The following GPALPP1 variants were observed in gnomAD, a reference collection of about 807,000 sequenced individuals.
The protein encoded by GPALPP1 is GPALPP motifs-containing protein 1.
A neutral mutation model predicts 38.9 loss-of-function variants in GPALPP1; 30 were observed. The ratio of observed to expected loss-of-function variants is 0.77; its 90% CI spans 0.58 to 1.05. GPALPP1 has a LOEUF of 1.05. Ranked by LOEUF, GPALPP1 falls within the 50% of genes least tolerant of loss-of-function variation. The pLI, the probability that GPALPP1 is intolerant of heterozygous loss-of-function variation, is 0.00. For missense variants in GPALPP1, 384 were observed against 408.8 expected (o/e 0.94, Z 0.52); for synonymous variants, 120 against 139.2 (o/e 0.86, Z 0.97).
At chr13:45,016,500 T>C (rs966080740) in intron 6 of GPALPP1, among the ~76,000 whole-genome samples, 2 of 152,198 alleles carry the variant, frequency 1.3e-5, no homozygotes, top group Non-Finnish European at 2.9e-5. Flanking sequence ...AATACATTAT[T>C]TTTAATCTTC....
Position 45,028,062 on chromosome 13 carries a change from C to A in GPALPP1, c.*59C>A. The A allele has an allele frequency of 1.3e-6, 1 of 791,342 alleles. No individual in the cohort carries two copies. Among genetic ancestry groups the A allele is most frequent in the Non-Finnish European group, 2.1e-6 (1 of 475,068 alleles). 49.0% of individuals were successfully genotyped at this position (791,342 alleles called of 1,614,324 possible). On this transcript the variant is annotated 3_prime_UTR_variant, in exon 8 of 8. Coordinates refer to ENST00000379151, the MANE Select transcript of GPALPP1 (RefSeq NM_018559.5). Reference sequence around the variant, plus strand: ...TGATCAATGTGAACTTTTCTAAATACTCTATTGTCTTTAATAATTGTGCTG... The same window carrying A: ...TGATCAATGTGAACTTTTCTAAATAATCTATTGTCTTTAATAATTGTGCTG...
At chr13:44,994,088 C>T (rs1000129415) in intron 1 of GPALPP1, among the ~76,000 whole-genome samples, 1 of 151,092 alleles carries the variant, frequency 6.6e-6, no homozygotes, top group African/African-American at 2.4e-5. Context: ...ACAGGTAGTG[C>T]ATGCCTGTAG....
exon 8 of GPALPP1, chr13:45,037,301 T>C (rs888026327): frequency 6.6e-6 from 1 of 152,206 alleles, no homozygotes; most frequent in African/African-American, 2.4e-5. Context: ...TGAAGTTGCT[T>C]ATGTATATAA....
chr13:45,008,999 A>G, intron 4 of GPALPP1, 120 bp downstream of exon 4: 1 of 716,966 alleles, frequency 1.4e-6, no homozygotes, highest in Non-Finnish European at 2.6e-6. Flanking sequence ...CTCAACTGTA[A>G]TGTAAGACTC....
Position 44,989,586 on chromosome 13 carries a change from G to A in GPALPP1, c.-69G>A. ...CTGCCATTCTTCGCTGCTGATCGCG[G>A]GATTCTTTTTGGATAGGGTTGACGT... is the stretch of plus-strand genomic sequence containing the variant. On this transcript the variant is annotated 5_prime_UTR_variant, in exon 1 of 8. Coordinates refer to ENST00000379151, the MANE Select transcript of GPALPP1 (RefSeq NM_018559.5). 6.6e-7 allele frequency: 1 copy of A among 1,505,758 alleles called. No homozygotes were observed. Among genetic ancestry groups the A allele is most frequent in the South Asian group, 1.1e-5 (1 of 88,028 alleles). 93.3% of individuals were successfully genotyped at this position (1,505,758 alleles called of 1,614,324 possible). A position where few individuals can be genotyped will look rare whatever the true frequency, so the allele number is the denominator to read the frequency against.
intron 1 of GPALPP1, among the ~76,000 whole-genome samples, chr13:45,001,120 A>G (rs919482082): frequency 2.0e-5 from 3 of 152,306 alleles, no homozygotes; most frequent in South Asian, 2.1e-4. Flanking sequence ...TAACTGAATC[A>G]TGGTGGTGGT....
Position 45,028,110 on chromosome 13 carries a change from G to A in GPALPP1, c.*107G>A. ...CTGAAATCTATTTCCTTTTATAATA[G>A]ATTAAAAATTTTATATTTTTATAAG... On this transcript the variant is annotated 3_prime_UTR_variant, in exon 8 of 8. Transcript: ENST00000379151. The A allele has an allele frequency of 3.9e-6, 2 of 515,888 alleles. No homozygotes were observed. Among genetic ancestry groups the A allele is most frequent in the Non-Finnish European group, 6.6e-6 (2 of 300,820 alleles). 32.0% of individuals were successfully genotyped at this position (515,888 alleles called of 1,614,324 possible).
downstream of GPALPP1, chr13:45,030,864 A>G (rs573958991): frequency 6.6e-6 from 1 of 152,354 alleles, no homozygotes; most frequent in Non-Finnish European, 1.5e-5. Flanking sequence ...TGCTATTAAA[A>G]AGATGAATTA....
At chr13:45,020,914 T>A (rs769110480) in intron 7 of GPALPP1, among the ~76,000 whole-genome samples, 15 of 152,160 alleles carry the variant, frequency 9.9e-5, no homozygotes, top group Non-Finnish European at 2.2e-4. Flanking sequence ...AGGTAGCACT[T>A]GATGAGAGAA....
At chr13:45,032,286 G>T, downstream of GPALPP1, among the ~76,000 whole-genome samples, 1 of 152,004 alleles carries the variant, frequency 6.6e-6, no homozygotes, top group African/African-American at 2.4e-5. Flanking sequence ...AAAGAAAAAA[G>T]AGAAAAGCCC....
At chr13:45,009,115 AC>A (rs1874303835) in intron 4 of GPALPP1, 1 of 577,946 alleles carries the variant, frequency 1.7e-6, no homozygotes, top group East Asian at 3.4e-5. Context: ...ACGGGGTGTT[AC>A]CTATTCATAC....
chr13:45,013,236 T>C (rs1874602817), intron 4 of GPALPP1, among the ~76,000 whole-genome samples: 2 of 152,194 alleles, frequency 1.3e-5, no homozygotes, highest in Admixed American at 1.3e-4. Context: ...AGTATGTTAA[T>C]TCTGCCTTCA....
chr13:45,011,594 T>A (rs1416712921), intron 4 of GPALPP1, among the ~76,000 whole-genome samples: 1 of 152,088 alleles, frequency 6.6e-6, no homozygotes, highest in Non-Finnish European at 1.5e-5. Context: ...AAACTCACTA[T>A]CACAAGAACA....
rs201710720 is a variant in GPALPP1, at chr13:44,989,669, G to C, written c.15G>C (p.Leu5=). The C allele has an allele frequency of 3.7e-4, 589 of 1,612,822 alleles. 6 individuals are homozygous for C. In the South Asian group the frequency reaches 6.1e-3, roughly 17 times the overall value. The part of the protein sequence containing the change: MARD[L]IGPALPPGFK... ...CGCCACCGCGGATGGCAAGAGACCT[G>C]ATCGGACCGGCCCTGCCGCCCGGCT... Residue 5 remains leucine, a synonymous_variant, in exon 1 of 8, where the codon CTG becomes CTC. Coordinates refer to ENST00000379151, the MANE Select transcript of GPALPP1 (RefSeq NM_018559.5).
At chr13:45,004,218 T>C (rs1388674042) in intron 1 of GPALPP1, 87 bp from the exon 2 acceptor site, 3 of 1,060,578 alleles carry the variant, frequency 2.8e-6, no homozygotes, top group Non-Finnish European at 4.2e-6. Flanking sequence ...GTGCTGTTTA[T>C]TTCAGAAAAG....
chr13:45,016,550 T>G (rs572604327), intron 6 of GPALPP1, among the ~76,000 whole-genome samples: 64 of 152,330 alleles, frequency 4.2e-4, no homozygotes, highest in Admixed American at 1.6e-3. Context: ...AAATATTTCA[T>G]TGTATATTAG....
rs1042119881 is a variant in GPALPP1, at chr13:45,011,436, T to C, written c.408+2557T>C. On this transcript the variant is annotated intron_variant, in intron 4 of 7. Coordinates refer to ENST00000379151, the MANE Select transcript of GPALPP1 (RefSeq NM_018559.5). Reference sequence around the variant, plus strand: ...AAAGAGGTTTAATTGACTCACAGTTTAGCATGGCTGGGGAGGCCTCAGGAA... The same window carrying C: ...AAAGAGGTTTAATTGACTCACAGTTCAGCATGGCTGGGGAGGCCTCAGGAA... Among the ~76,000 whole-genome samples the C allele has an allele frequency of 2.6e-5, 4 of 152,308 alleles. 1 individual carries two copies.
Position 45,015,412 on chromosome 13 carries a change from GT to G in GPALPP1, c.541-10del, listed in dbSNP as rs754211206. ...ACACGATATGTACTTTCTATGCTGTGTTTTTTTTTTCTCTTAAAGGATTCAT... is the reference window on the plus strand; with the variant it reads ...ACACGATATGTACTTTCTATGCTGTGTTTTTTTTTCTCTTAAAGGATTCAT... On this transcript the variant is annotated intron_variant, in intron 5 of 7. Coordinates refer to ENST00000379151, the MANE Select transcript of GPALPP1 (RefSeq NM_018559.5). 1,789 of 1,312,750 alleles carry G rather than the reference GT, an allele frequency of 1.4e-3. No individual in the cohort carries two copies. The highest frequency in any genetic ancestry group is 2.0e-3 in the South Asian group (130 of 66,270). The allele number at this position is 1,312,750 out of a possible 1,614,324, so 81.3% of individuals were successfully genotyped here.
chr13:45,018,932 T>TATATACATATAAATAC, intron 6 of GPALPP1, among the ~76,000 whole-genome samples: 1 of 137,826 alleles, frequency 7.3e-6, no homozygotes, highest in African/African-American at 3.0e-5. Context: ...AATGTATAAA[T>TATATACATATAAATAC]ATATACATAT....
Sources: allele counts gnomAD v4.1 joint callset (sites outside exome capture counted in the v4.1 genomes callset), GRCh38; gene constraint gnomAD v4.1.1; transcripts MANE v1.5; gene names NCBI Gene and HGNC (gene_info 2026-07-23, HGNC 2026-07-21).